Variants in PGAP1 observed in about 807,000 individuals in gnomAD.
PGAP1 encodes post-GPI attachment to proteins inositol deacylase 1.
In PGAP1, 76 loss-of-function variants were observed where a neutral mutation model predicts 127.0. That is an observed-to-expected ratio of 0.60 (90% CI 0.50 to 0.72). The LOEUF is 0.72. PGAP1 is among the 30% of genes least tolerant of loss of function. The probability of loss-of-function intolerance (pLI) is 0.00; values close to 1 mark genes in which losing one functional copy is unlikely to be tolerated. For synonymous variants in PGAP1, 362 were observed against 366.5 expected (o/e 0.99, Z 0.14); for missense variants, 982 against 1,071.3 (o/e 0.92, Z 1.16).
chr2:196,913,076 C>A, intron 3 of PGAP1, 23 bp from the exon 4 acceptor site: 1 of 1,572,472 alleles, frequency 6.4e-7, no homozygotes, highest in South Asian at 1.2e-5. Context: ...ATCACCAGGT[C>A]ATAATTGCGG....
intron 18 of PGAP1, 81 bp from the exon 19 acceptor site, chr2:196,871,060 T>A: frequency 1.1e-6 from 1 of 945,520 alleles, no homozygotes; most frequent in Non-Finnish European, 1.7e-6. Flanking sequence ...CACTTATGCA[T>A]ATCTCTAAGC....
chr2:196,912,267 G>A (rs1216573712), intron 4 of PGAP1, among the ~76,000 whole-genome samples: 1 of 152,000 alleles, frequency 6.6e-6, no homozygotes, highest in Non-Finnish European at 1.5e-5. Flanking sequence ...GCTTATTTTG[G>A]ATACAGTCCT....
chr2:196,892,930 C>T (rs534202402), intron 8 of PGAP1, among the ~76,000 whole-genome samples: 1 of 152,130 alleles, frequency 6.6e-6, no homozygotes, highest in East Asian at 1.9e-4. Flanking sequence ...TTTTTACCAG[C>T]AATCTCTTAC....
chr2:196,905,283 T>C (rs1185006211), intron 4 of PGAP1, among the ~76,000 whole-genome samples: 2 of 152,212 alleles, frequency 1.3e-5, no homozygotes, highest in Non-Finnish European at 2.9e-5. Flanking sequence ...TGACAAGTAC[T>C]ATGACTTTTA....
At chr2:196,922,475 A>G in intron 1 of PGAP1, 1 of 983,434 alleles carries the variant, frequency 1.0e-6, no homozygotes, top group Non-Finnish European at 1.2e-6. Context: ...AAAAAAAAAA[A>G]AAAGGCCTTA....
intron 20 of PGAP1, among the ~76,000 whole-genome samples, chr2:196,858,775 C>T (rs555883649): frequency 6.6e-6 from 1 of 152,138 alleles, no homozygotes; most frequent in East Asian, 1.9e-4. Context: ...TAAAAAGTTG[C>T]TTTTTTGAAA....
chr2:196,874,620 T>G (rs1701504336), intron 14 of PGAP1, among the ~76,000 whole-genome samples: 2 of 152,270 alleles, frequency 1.3e-5, no homozygotes, highest in African/African-American at 4.8e-5. Flanking sequence ...TAACTAGTAA[T>G]TAGAGATATC....
intron 4 of PGAP1, 66 bp downstream of exon 4, chr2:196,912,816 A>G: frequency 7.0e-7 from 1 of 1,424,210 alleles, no homozygotes; most frequent in Admixed American, 2.2e-5. Context: ...GGGAATAGCC[A>G]CAGAGATTGA....
chr2:196,878,343 CTT>C (rs1277601924), intron 13 of PGAP1, among the ~76,000 whole-genome samples: 1 of 152,088 alleles, frequency 6.6e-6, no homozygotes, highest in Non-Finnish European at 1.5e-5. Context: ...TTTTTAATAA[CTT>C]TGTGCATGAA....
chr2:196,897,288 T>C (rs1702314047), intron 6 of PGAP1, 91 bp from the exon 7 acceptor site: 2 of 729,158 alleles, frequency 2.7e-6, no homozygotes, highest in Admixed American at 3.6e-5. Flanking sequence ...TAGTGGAACA[T>C]TTGAGTTTCC....
At chr2:196,858,433 T>C (rs377420289) in intron 20 of PGAP1, among the ~76,000 whole-genome samples, 64 of 151,176 alleles carry the variant, frequency 4.2e-4, no homozygotes, top group African/African-American at 1.4e-3. Context: ...AAACAATGAA[T>C]GGGTTAATGA....
At chr2:196,925,977 C>G (rs189418013) in intron 1 of PGAP1, among the ~76,000 whole-genome samples, 1 of 152,224 alleles carries the variant, frequency 6.6e-6, no homozygotes, top group Admixed American at 6.5e-5. Context: ...CGGTCCCTTT[C>G]TAGAAATGCG....
At chr2:196,871,420 T>A (rs192922150) in intron 18 of PGAP1, among the ~76,000 whole-genome samples, 1 of 152,282 alleles carries the variant, frequency 6.6e-6, no homozygotes, top group Non-Finnish European at 1.5e-5. Context: ...TAGGGAAGTT[T>A]AAAATGATTT....
intron 26 of PGAP1, 115 bp downstream of exon 26, chr2:196,842,606 T>C (rs1037402181): frequency 1.1e-5 from 5 of 439,542 alleles, no homozygotes; most frequent in Non-Finnish European, 2.0e-5. Context: ...AATACTATTA[T>C]GGCTTTACTT....
chr2:196,923,578 G>A (rs1011062763), intron 1 of PGAP1, among the ~76,000 whole-genome samples: 4 of 152,030 alleles, frequency 2.6e-5, no homozygotes, highest in Admixed American at 2.6e-4. Context: ...GATATACCTG[G>A]CAAAGACTAG....
At chr2:196,917,608 G>C (rs1703059013) in intron 2 of PGAP1, among the ~76,000 whole-genome samples, 1 of 152,058 alleles carries the variant, frequency 6.6e-6, no homozygotes. Flanking sequence ...TGGCCTTTTG[G>C]AACTGGCTTC....
chr2:196,889,831 C>T (rs1166871849), intron 10 of PGAP1, among the ~76,000 whole-genome samples: 3 of 146,986 alleles, frequency 2.0e-5, no homozygotes, highest in African/African-American at 7.6e-5. Context: ...CTCACTCCAG[C>T]CTGGGTGACA....
intron 4 of PGAP1, among the ~76,000 whole-genome samples, chr2:196,912,580 TAAAAAAAAAA>T (rs531959600): frequency 2.4e-5 from 2 of 82,480 alleles, no homozygotes; most frequent in African/African-American, 4.4e-5. Context: ...ACCCTGTCTT[TAAAAAAAAAA>T]AAAAAAAAAA....
chr2:196,871,214 T>TGAA (rs1222618290), intron 18 of PGAP1, among the ~76,000 whole-genome samples: 1 of 152,172 alleles, frequency 6.6e-6, no homozygotes, highest in Non-Finnish European at 1.5e-5. Flanking sequence ...GACAGCTGAG[T>TGAA]GAATGCTATT....
Sources: gnomAD v4.1 joint callset for allele counts (sites outside exome capture counted in the v4.1 genomes callset) on GRCh38, gnomAD v4.1.1 for gene constraint, MANE v1.5 for transcripts, NCBI Gene and HGNC (gene_info 2026-07-23, HGNC 2026-07-21) for gene names.